KICS2: variants seen among roughly 807,000 people sequenced by gnomAD.
KICS2 encodes the protein KICSTOR subunit 2.
In KICS2, 13 loss-of-function variants were observed where a neutral mutation model predicts 31.4. The observed-to-expected ratio is 0.41, with a 90% CI of 0.27 to 0.66. KICS2 has a LOEUF of 0.66. KICS2 is among the 30% of genes least tolerant of loss of function. The probability of loss-of-function intolerance (pLI) is 0.28; values close to 1 mark genes in which losing one functional copy is unlikely to be tolerated. For synonymous variants in KICS2, 209 were observed against 214.8 expected, an observed-to-expected ratio of 0.97 and a Z score of 0.24; for missense variants, 455 against 545.4, an observed-to-expected ratio of 0.83 and a Z score of 1.65.
downstream of KICS2, chr12:64,186,803 T>G (rs1045652377): frequency 6.6e-6 from 1 of 152,170 alleles, no homozygotes; most frequent in African/African-American, 2.4e-5. Context: ...AGACACCATG[T>G]TGGTCTTGGT....
At position 64,193,758 on chromosome 12, in the gene KICS2, A is replaced by T. The variant is rs1177096366; in HGVS notation, c.*84T>A. On this transcript the variant is annotated 3_prime_UTR_variant, in exon 3 of 3. Coordinates refer to ENST00000398055, the MANE Select transcript of KICS2 (RefSeq NM_152440.5). ...TTCTGAAAGAGGCATGAATGGATGTAAACTCTATTCACAGACCACCGTAGA... is the reference window on the plus strand; with the variant it reads ...TTCTGAAAGAGGCATGAATGGATGTTAACTCTATTCACAGACCACCGTAGA... 3 of 1,479,720 alleles carry T rather than the reference A, an allele frequency of 2.0e-6. No individual in the cohort carries two copies. The highest frequency in any genetic ancestry group is 1.4e-5 in the African/African-American group (1 of 70,852). 91.7% of individuals were successfully genotyped at this position (1,479,720 alleles called of 1,614,324 possible).
At position 64,215,783 on chromosome 12, in the gene KICS2, A is replaced by G; in HGVS notation, c.416T>C (p.Ile139Thr). The G allele has an allele frequency of 1.9e-6, 3 of 1,614,100 alleles. No individual in the cohort carries two copies. The highest frequency in any genetic ancestry group is 2.5e-6 in the Non-Finnish European group (3 of 1,180,024). ...GTACATCTTCTCATAGAAGTCTGCT[A>G]TCTCCATCCGAGCCTGAACAAAGAA... ...LCFFVQARME[I>T]ADFYEKMYTL... Residue 139 changes from isoleucine (I) to threonine (T), a missense_variant, in exon 2 of 3, where the codon ATA (isoleucine) becomes ACA (threonine). Physicochemically the swap from Ile to Thr is moderately conservative, Grantham distance 89 (BLOSUM62 -1). Coordinates refer to ENST00000398055, the MANE Select transcript of KICS2 (RefSeq NM_152440.5).
rs773421355 is a variant in KICS2, at chr12:64,194,104, A to G, written c.1076T>C (p.Met359Thr). The G allele has an allele frequency of 4.3e-6, 7 of 1,614,022 alleles. No individual in the cohort carries two copies. In the African/African-American group the frequency reaches 8.0e-5, roughly 18 times the overall value. Residue 359 changes from methionine to threonine, a missense_variant, in exon 3 of 3, where the codon ATG (methionine) becomes ACG (threonine). Physicochemically the swap from Met to Thr is moderately conservative, Grantham distance 81. Coordinates refer to ENST00000398055, the MANE Select transcript of KICS2 (RefSeq NM_152440.5). Reference protein sequence around the residue: ...VVSLPSDRPVMHWPNVIMIMT... With the variant: ...VVSLPSDRPVTHWPNVIMIMT... Reference sequence around the variant, plus strand: ...GATCATGATGACATTGGGCCAGTGCATGACTGGCCTGTCGCTGGGCAGAGA... The same window carrying G: ...GATCATGATGACATTGGGCCAGTGCGTGACTGGCCTGTCGCTGGGCAGAGA...
At chr12:64,211,836 A>G (rs1334987080) in intron 2 of KICS2, among the ~76,000 whole-genome samples, 1 of 152,256 alleles carries the variant, frequency 6.6e-6, no homozygotes, top group East Asian at 1.9e-4. Context: ...TATAAAGAAC[A>G]TTTTGGAGAC....
At chr12:64,209,201 T>C (rs2037564023) in intron 2 of KICS2, among the ~76,000 whole-genome samples, 1 of 152,066 alleles carries the variant, frequency 6.6e-6, no homozygotes, top group Non-Finnish European at 1.5e-5. Context: ...ATTATATTAT[T>C]AATATAGTTC....
downstream of KICS2, chr12:64,187,240 C>T (rs2037345556): frequency 1.0e-5 from 2 of 192,148 alleles, no homozygotes; most frequent in Non-Finnish European, 2.1e-5. Flanking sequence ...GCCATTCTCG[C>T]CGCACGTCTA....
chr12:64,210,731 A>C (rs1166669164), intron 2 of KICS2, among the ~76,000 whole-genome samples: 2 of 152,146 alleles, frequency 1.3e-5, no homozygotes, highest in Admixed American at 6.5e-5. Context: ...GAGCCGAGAG[A>C]GCGCCACTGA....
rs2037376675 is a variant in KICS2 at position 64,191,329 on chromosome 12, TAATATTCAC to T, written c.*2504_*2512del. 1 of 152,268 alleles carries T rather than the reference TAATATTCAC, an allele frequency of 6.6e-6. No homozygotes were observed. Among genetic ancestry groups the T allele is most frequent in the Non-Finnish European group, 1.5e-5 (1 of 68,052 alleles). 9.4% of individuals were successfully genotyped at this position (152,268 alleles called of 1,614,324 possible). A position where few individuals can be genotyped will look rare whatever the true frequency, so the allele number is the denominator to read the frequency against. ...TAATACATATTGTCTTAGATTTTCT[TAATATTCAC>T]ATCTGCCTTCTGTTCTTTGAAATTC... On this transcript the variant is annotated 3_prime_UTR_variant, in exon 3 of 3. Coordinates refer to ENST00000398055, the MANE Select transcript of KICS2 (RefSeq NM_152440.5).
intron 2 of KICS2, among the ~76,000 whole-genome samples, chr12:64,202,707 T>C (rs964984776): frequency 9.9e-5 from 15 of 150,842 alleles, no homozygotes; most frequent in Non-Finnish European, 1.9e-4. Context: ...ACTATACATA[T>C]TAAATCAGAT....
intron 2 of KICS2, 35 bp from the exon 3 acceptor site, chr12:64,194,693 T>C (rs1265608723): frequency 4.5e-6 from 7 of 1,554,116 alleles, no homozygotes; most frequent in Non-Finnish European, 6.1e-6. Flanking sequence ...TAAGTGGAAA[T>C]GTTACTTCAC....
At chr12:64,187,470 C>T, downstream of KICS2, 1 of 657,314 alleles carries the variant, frequency 1.5e-6, no homozygotes, top group Non-Finnish European at 2.6e-6. Flanking sequence ...TTATCAAAAG[C>T]AGATTGAAAA....
intron 2 of KICS2, among the ~76,000 whole-genome samples, chr12:64,208,641 G>A (rs2037560116): frequency 6.6e-6 from 1 of 152,168 alleles, no homozygotes; most frequent in Non-Finnish European, 1.5e-5. Context: ...ATAAATTGTA[G>A]TTCTGCCTTT....
intron 1 of KICS2, among the ~76,000 whole-genome samples, chr12:64,216,378 T>C (rs139878237): frequency 2.6e-5 from 4 of 152,286 alleles, no homozygotes; most frequent in African/African-American, 7.2e-5. Flanking sequence ...ACCTTTCACA[T>C]AGATGTATTC....
At position 64,193,806 on chromosome 12, in the gene KICS2, T is replaced by C. The variant is rs1252051604; in HGVS notation, c.*36A>G. The C allele has an allele frequency of 6.3e-7, 1 of 1,576,524 alleles. No homozygotes were observed. Among genetic ancestry groups the C allele is most frequent in the East Asian group, 2.2e-5 (1 of 44,622 alleles). ...AGATCATTAGGGCAATTAAGAACAG[T>C]TTCTAGTCTTGAAACCCCTCCACGC... On this transcript the variant is annotated 3_prime_UTR_variant, in exon 3 of 3. Coordinates refer to ENST00000398055, the MANE Select transcript of KICS2 (RefSeq NM_152440.5).
rs1426020083 is a variant in KICS2, at chr12:64,215,662, T to G, written c.521+16A>C. 2.5e-6 allele frequency: 4 copies of G among 1,601,484 alleles called. No individual in the cohort carries two copies. The highest frequency in any genetic ancestry group is 3.4e-6 in the Non-Finnish European group (4 of 1,172,360). On this transcript the variant is annotated intron_variant, in intron 2 of 2. Coordinates refer to ENST00000398055, the MANE Select transcript of KICS2 (RefSeq NM_152440.5). ...AGGACAGCCACGCTTTCTCCCTCCC[T>G]CCTCCCCACACTGACCTGGAGCTGT... is the stretch of plus-strand genomic sequence containing the variant.
intron 2 of KICS2, among the ~76,000 whole-genome samples, chr12:64,196,539 G>A (rs1487610533): frequency 1.3e-5 from 2 of 151,732 alleles, no homozygotes; most frequent in East Asian, 1.9e-4. Context: ...AAAACGCAGA[G>A]CGTCTCTCCT....
intron 2 of KICS2, among the ~76,000 whole-genome samples, chr12:64,213,912 C>T (rs986617300): frequency 6.6e-6 from 1 of 152,158 alleles, no homozygotes; most frequent in Non-Finnish European, 1.5e-5. Flanking sequence ...TTATTCCTGC[C>T]ATCCTGTTGA....
At chr12:64,212,916 C>A (rs1280260720) in intron 2 of KICS2, among the ~76,000 whole-genome samples, 1 of 151,510 alleles carries the variant, frequency 6.6e-6, no homozygotes, top group Non-Finnish European at 1.5e-5. Flanking sequence ...ATGGAGAAAC[C>A]CTGTCTCTAC....
At chr12:64,211,890 G>A (rs991450223) in intron 2 of KICS2, among the ~76,000 whole-genome samples, 14 of 152,300 alleles carry the variant, frequency 9.2e-5, no homozygotes, top group Admixed American at 9.1e-4. Flanking sequence ...TACAACGGCA[G>A]AAAATCAGTG....
Sources: gnomAD v4.1 joint callset for allele counts (sites outside exome capture counted in the v4.1 genomes callset) on GRCh38, gnomAD v4.1.1 for gene constraint, MANE v1.5 for transcripts, NCBI Gene and HGNC (gene_info 2026-07-23, HGNC 2026-07-21) for gene names.